LPA: variants seen among roughly 807,000 people sequenced by gnomAD.
LPA encodes the protein lipoprotein(a).
A neutral mutation model predicts 197.9 loss-of-function variants in LPA; 199 were observed. That is an observed-to-expected ratio of 1.01 (90% CI 0.90 to 1.13). LPA has a LOEUF of 1.13. LPA is among the 50% of genes most tolerant of loss of function. LPA has a pLI of 0.00. For synonymous variants in LPA, 715 were observed against 639.5 expected (o/e 1.12, Z -1.78); for missense variants, 1,853 against 1,785.8 (o/e 1.04, Z -0.68).
chr6:160,552,572 T>C (rs1778183601), intron 30 of LPA, among the ~76,000 whole-genome samples: 1 of 152,232 alleles, frequency 6.6e-6, no homozygotes. Context: ...TTTTGCACAT[T>C]GAGCACGTAT....
At chr6:160,572,238 G>T (rs750416464) in intron 28 of LPA, among the ~76,000 whole-genome samples, 1 of 152,088 alleles carries the variant, frequency 6.6e-6, no homozygotes, top group Non-Finnish European at 1.5e-5. Context: ...AGATGAGCCG[G>T]GTACCTTGGT....
At chr6:160,539,466 G>A (rs1203013221) in intron 36 of LPA, among the ~76,000 whole-genome samples, 1 of 146,486 alleles carries the variant, frequency 6.8e-6, no homozygotes, top group Non-Finnish European at 1.5e-5. Context: ...TTTTGACATT[G>A]TGGAATATTT....
intron 26 of LPA, among the ~76,000 whole-genome samples, chr6:160,584,652 C>A (rs997235161): frequency 4.6e-5 from 7 of 151,934 alleles, no homozygotes; most frequent in South Asian, 4.2e-4. Context: ...ACTTCTGATT[C>A]GTGTCAAAAA....
chr6:160,547,873 T>C lies in LPA; in HGVS notation c.5220A>G (p.Pro1740=). 6.2e-7 allele frequency: 1 copy of C among 1,614,126 alleles called. No homozygotes were observed. Among genetic ancestry groups the C allele is most frequent in the Non-Finnish European group, 8.5e-7 (1 of 1,180,010 alleles). ...GCTCCTGGGCAGCCCATTCCTGGCA[T>C]GGCGTCCCAGTAACAGTGGTTGCCT... ...GKKATTVTGT[P]CQEWAAQEPH... The change falls in exon 32 of 39, where the codon CCA becomes CCG. Residue 1740 remains proline (P), a synonymous_variant. Coordinates refer to ENST00000316300, the MANE Select transcript of LPA (RefSeq NM_005577.4).
intron 35 of LPA, 24 bp downstream of exon 35, chr6:160,541,083 A>T (rs1777973982): frequency 1.2e-6 from 2 of 1,606,716 alleles, no homozygotes; most frequent in South Asian, 1.1e-5. Context: ...ATAAGACCCC[A>T]TGTCAGTTTT....
chr6:160,604,936 C>T (rs1779314634), intron 18 of LPA, 110 bp downstream of exon 18: 1 of 1,508,440 alleles, frequency 6.6e-7, no homozygotes, highest in Non-Finnish European at 9.2e-7. Context: ...TTGCTATGCA[C>T]TGTTCATCTG....
At chr6:160,647,565 T>C (rs1779920039) in intron 2 of LPA, among the ~76,000 whole-genome samples, 1 of 152,214 alleles carries the variant, frequency 6.6e-6, no homozygotes, top group South Asian at 2.1e-4. Flanking sequence ...TTTTTCTTCC[T>C]TGGCTTCCCT....
chr6:160,544,254 C>T (rs936737691), intron 33 of LPA, among the ~76,000 whole-genome samples: 4 of 152,018 alleles, frequency 2.6e-5, no homozygotes, highest in African/African-American at 9.7e-5. Flanking sequence ...GAGGCAGTGG[C>T]GTGTACTAGA....
In LPA at chr6:160,585,100, C is replaced by T; in HGVS notation, c.4235G>A (p.Trp1412Ter). ...TTITGRTCQS[W>*]SSMTPHWHRR... is the part of the protein sequence containing the mutation. ...ATGCCAATGTGGTGTCATAGACGAC[C>T]AAGACTGACATGTTCTTCCTGTGAT... The change falls in exon 26 of 39, where the codon TGG (tryptophan) becomes TAG (stop). Residue 1412 changes from tryptophan to a stop codon, truncating the protein, a stop_gained. Coordinates refer to ENST00000316300, the MANE Select transcript of LPA (RefSeq NM_005577.4). LOFTEE classifies it high-confidence loss of function. 1 of 1,613,786 alleles carries T rather than the reference C, an allele frequency of 6.2e-7. No individual in the cohort carries two copies.
chr6:160,634,607 G>A (rs1170584444), intron 7 of LPA, among the ~76,000 whole-genome samples: 1 of 148,298 alleles, frequency 6.7e-6, no homozygotes, highest in Admixed American at 6.7e-5. Context: ...CAAAGCCTAG[G>A]ACTGAAGAGC....
At chr6:160,582,214 T>G (rs2115035298) in intron 26 of LPA, among the ~76,000 whole-genome samples, 1 of 152,004 alleles carries the variant, frequency 6.6e-6, no homozygotes, top group Non-Finnish European at 1.5e-5. Flanking sequence ...GACTTGATCT[T>G]TTTTTTTCTT....
At chr6:160,553,818 G>A (rs549963445) in intron 30 of LPA, among the ~76,000 whole-genome samples, 22 of 151,666 alleles carry the variant, frequency 1.5e-4, no homozygotes, top group South Asian at 2.1e-4. Flanking sequence ...TCTCCTTCCC[G>A]TCCTTCTGTG....
intron 35 of LPA, 125 bp from the exon 36 acceptor site, chr6:160,540,308 C>T (rs552691055): frequency 5.8e-6 from 6 of 1,036,172 alleles, no homozygotes; most frequent in East Asian, 4.8e-5. Context: ...TTATGAGTGG[C>T]AAGAAACAAA....
intron 1 of LPA, among the ~76,000 whole-genome samples, chr6:160,652,369 A>T (rs560684927): frequency 9.2e-5 from 14 of 152,308 alleles, no homozygotes; most frequent in African/African-American, 3.1e-4. Flanking sequence ...AAACTATTCA[A>T]AACGGAATAT....
At chr6:160,553,954 T>TGTGTGTGTGTGCGCGC (rs771903485) in intron 30 of LPA, among the ~76,000 whole-genome samples, 93 of 130,806 alleles carry the variant, frequency 7.1e-4, no homozygotes, top group African/African-American at 9.7e-4. Context: ...TGTGTGTGTG[T>TGTGTGTGTGTGCGCGC]GCGCGCGCGC....
chr6:160,604,928 G>A, intron 18 of LPA, 118 bp downstream of exon 18: 1 of 1,458,718 alleles, frequency 6.9e-7, no homozygotes. Context: ...GAGACATTTT[G>A]CTATGCACTG....
intron 28 of LPA, among the ~76,000 whole-genome samples, chr6:160,570,559 C>G (rs914666150): frequency 2.6e-5 from 4 of 152,120 alleles, no homozygotes; most frequent in Admixed American, 2.6e-4. Context: ...GGGTGCAGCA[C>G]ACCAACATGG....
chr6:160,602,791 CT>C (rs945032776), intron 18 of LPA, among the ~76,000 whole-genome samples: 4 of 152,082 alleles, frequency 2.6e-5, no homozygotes, highest in African/African-American at 7.2e-5. Context: ...CATTTGATCT[CT>C]TTTTTTTCTA....
chr6:160,540,387 A>C (rs574912399), intron 35 of LPA, among the ~76,000 whole-genome samples: 1 of 152,322 alleles, frequency 6.6e-6, no homozygotes, highest in African/African-American at 2.4e-5. Context: ...ACTGTGATAT[A>C]GTTTGTATAT....
Sources: gnomAD v4.1 joint callset for allele counts (sites outside exome capture counted in the v4.1 genomes callset) on GRCh38, gnomAD v4.1.1 for gene constraint, MANE v1.5 for transcripts, NCBI Gene and HGNC (gene_info 2026-07-23, HGNC 2026-07-21) for gene names.